Variants in PTPRT observed in about 807,000 individuals in gnomAD.
PTPRT encodes protein tyrosine phosphatase receptor type T.
A neutral mutation model predicts 176.8 loss-of-function variants in PTPRT; 56 were observed. The ratio of observed to expected loss-of-function variants is 0.32; its 90% CI spans 0.26 to 0.40. PTPRT has a LOEUF of 0.40. PTPRT is among the 10% of genes least tolerant of loss of function. The pLI is 1.00. For synonymous variants in PTPRT, 783 were observed against 739.0 expected, an observed-to-expected ratio of 1.06 and a Z score of -0.96; for missense variants, 1,540 against 1,908.2, an observed-to-expected ratio of 0.81 and a Z score of 3.60.
At position 43,127,517 on chromosome 20, in the gene PTPRT, C is replaced by T. The variant is rs577941987; in HGVS notation, c.88+62129G>A. The stretch of plus-strand genomic sequence containing the variant: ...AACATTAATAAGAGCCAGAGAAGCC[C>T]GGAGGTTCAATAACTCCCAGCAAGC... On this transcript the variant is annotated intron_variant, in intron 1 of 30. Coordinates refer to ENST00000373187, the MANE Select transcript of PTPRT (RefSeq NM_007050.6). Among the ~76,000 whole-genome samples, 4 of 152,216 alleles carry T rather than the reference C, an allele frequency of 2.6e-5. No individual in the cohort carries two copies. In the East Asian group the frequency reaches 5.8e-4, roughly 22 times the overall value.
At chr20:42,615,654 T>C (rs2074060165) in intron 7 of PTPRT, among the ~76,000 whole-genome samples, 2 of 130,840 alleles carry the variant, frequency 1.5e-5, no homozygotes, top group East Asian at 2.0e-4. Context: ...TGGTATCTCA[T>C]TGTGGTTTTG....
chr20:42,086,753 A>ATATATATATATATATATAT (rs60067837), intron 27 of PTPRT, among the ~76,000 whole-genome samples: 3 of 95,506 alleles, frequency 3.1e-5, no homozygotes, highest in South Asian at 3.8e-4. Context: ...AAAAAAAAAA[A>ATATATATATATATATATAT]ATATATATAT....
intron 1 of PTPRT, among the ~76,000 whole-genome samples, chr20:42,950,964 T>C (rs1245706965): frequency 2.0e-5 from 3 of 152,252 alleles, no homozygotes; most frequent in African/African-American, 7.2e-5. Context: ...AGATTCACTC[T>C]TAAAATAAGA....
chr20:42,034,638 C>T, the PTPRT span, among the ~76,000 whole-genome samples: 1 of 152,122 alleles, frequency 6.6e-6, no homozygotes, highest in Admixed American at 6.5e-5. Flanking sequence ...TTAGCACCTT[C>T]CTGGGGGTTA....
intron 19 of PTPRT, among the ~76,000 whole-genome samples, chr20:42,121,994 C>T (rs954024147): frequency 6.6e-6 from 1 of 151,992 alleles, no homozygotes; most frequent in African/African-American, 2.4e-5. Context: ...AGTGTGGAAT[C>T]GTAGACATTG....
intron 1 of PTPRT, among the ~76,000 whole-genome samples, chr20:43,012,101 T>C (rs1011570725): frequency 6.6e-6 from 1 of 152,194 alleles, no homozygotes; most frequent in Non-Finnish European, 1.5e-5. Context: ...AGCTTGCAGA[T>C]GGCCTATTGT....
chr20:42,981,734 T>A (rs1330703500), intron 1 of PTPRT, among the ~76,000 whole-genome samples: 1 of 152,208 alleles, frequency 6.6e-6, no homozygotes. Context: ...CACGCATGAT[T>A]GTACACAAAA....
chr20:42,514,721 C>T (rs910350550), intron 7 of PTPRT, among the ~76,000 whole-genome samples: 2 of 152,126 alleles, frequency 1.3e-5, no homozygotes, highest in Admixed American at 1.3e-4. Flanking sequence ...ATAAATAAGA[C>T]ATTTATTCAT....
At chr20:42,766,642 C>G (rs2076986848) in intron 5 of PTPRT, among the ~76,000 whole-genome samples, 1 of 152,180 alleles carries the variant, frequency 6.6e-6, no homozygotes, top group Non-Finnish European at 1.5e-5. Context: ...AAGTCCCACT[C>G]TACAGAAAAG....
intron 1 of PTPRT, among the ~76,000 whole-genome samples, chr20:42,912,796 C>T (rs889628317): frequency 6.6e-6 from 1 of 152,178 alleles, no homozygotes; most frequent in Non-Finnish European, 1.5e-5. Context: ...CATCTACTCC[C>T]GGATGTCCTA....
At chr20:42,207,269 G>A (rs1302519461) in intron 15 of PTPRT, among the ~76,000 whole-genome samples, 2 of 152,188 alleles carry the variant, frequency 1.3e-5, no homozygotes, top group Non-Finnish European at 2.9e-5. Flanking sequence ...TTCGTCACCA[G>A]CAACGGAACA....
At chr20:42,881,415 G>A (rs2079008007) in intron 2 of PTPRT, among the ~76,000 whole-genome samples, 1 of 152,160 alleles carries the variant, frequency 6.6e-6, no homozygotes, top group Admixed American at 6.5e-5. Context: ...GGAGTCCTGT[G>A]AGCTGAGACA....
At chr20:42,350,795 CT>C in intron 10 of PTPRT, 65 bp from the exon 11 acceptor site, 1 of 1,174,264 alleles carries the variant, frequency 8.5e-7, no homozygotes, top group Non-Finnish European at 1.3e-6. Flanking sequence ...CCCACCGCCC[CT>C]TGCTGCCATC....
chr20:43,042,547 C>CG (rs1445218015), intron 1 of PTPRT, among the ~76,000 whole-genome samples: 2 of 151,866 alleles, frequency 1.3e-5, no homozygotes, highest in African/African-American at 4.8e-5. Context: ...AAGAGTCCCC[C>CG]CTTGGTGACC....
chr20:42,600,992 C>T (rs1021941114), intron 7 of PTPRT, among the ~76,000 whole-genome samples: 2 of 152,146 alleles, frequency 1.3e-5, no homozygotes, highest in African/African-American at 4.8e-5. Flanking sequence ...GAGTCAATGT[C>T]AAGGCACTGC....
chr20:42,498,963 C>T (rs1351014168), intron 7 of PTPRT, among the ~76,000 whole-genome samples: 2 of 152,106 alleles, frequency 1.3e-5, no homozygotes, highest in Non-Finnish European at 2.9e-5. Flanking sequence ...AAGCTGTAAC[C>T]CAACCGCCTT....
chr20:42,757,663 T>G (rs2076855085), intron 5 of PTPRT, among the ~76,000 whole-genome samples: 1 of 152,232 alleles, frequency 6.6e-6, no homozygotes, highest in Admixed American at 6.5e-5. Flanking sequence ...CATTTTACAC[T>G]GAAGGACTTT....
chr20:42,815,665 T>C (rs999373375), intron 2 of PTPRT, among the ~76,000 whole-genome samples: 2 of 152,228 alleles, frequency 1.3e-5, no homozygotes, highest in South Asian at 4.1e-4. Flanking sequence ...ATTTGTCTTC[T>C]AGGGCCTCTC....
Position 43,090,449 on chromosome 20 carries a change from T to C in PTPRT, c.88+99197A>G, listed in dbSNP as rs371692641. Reference sequence around the variant, plus strand: ...CGCCTGGCTAATTTTTTTGTATTTTTAGTAGAGACAGGGTTTCACCGTTTT... The same window carrying C: ...CGCCTGGCTAATTTTTTTGTATTTTCAGTAGAGACAGGGTTTCACCGTTTT... On this transcript the variant is annotated intron_variant, in intron 1 of 30. Coordinates refer to ENST00000373187, the MANE Select transcript of PTPRT (RefSeq NM_007050.6). 3.5e-4 allele frequency among the ~76,000 whole-genome samples: 53 copies of C among 152,228 alleles called. 1 individual carries two copies. Among genetic ancestry groups the C allele is most frequent in the African/African-American group, 1.2e-3 (48 of 41,534 alleles).
Sources: allele counts gnomAD v4.1 joint callset (sites outside exome capture counted in the v4.1 genomes callset), GRCh38; gene constraint gnomAD v4.1.1; transcripts MANE v1.5; gene names NCBI Gene and HGNC (gene_info 2026-07-23, HGNC 2026-07-21).